The following WDPCP variants were observed in gnomAD, a reference collection of about 807,000 sequenced individuals.
WDPCP encodes the protein WD repeat-containing and planar cell polarity effector protein fritz homolog.
In WDPCP, 71 loss-of-function variants were observed where a neutral mutation model predicts 93.1. That is an observed-to-expected ratio of 0.76 (90% CI 0.63 to 0.93). The LOEUF (loss-of-function observed/expected upper bound fraction) is 0.93, where lower values mean the gene tolerates loss of function less well. Ranked by LOEUF, WDPCP falls within the 40% of genes least tolerant of loss-of-function variation. The probability of loss-of-function intolerance (pLI) is 0.00; values close to 1 mark genes in which losing one functional copy is unlikely to be tolerated. For synonymous variants in WDPCP, 315 were observed against 315.0 expected (o/e 1.00, Z 0.00); for missense variants, 844 against 887.4 (o/e 0.95, Z 0.62).
At chr2:63,808,335 CCCCTCTCCCCACGGTCTCCCTCT>C (rs1031122681) in intron 2 of WDPCP, among the ~76,000 whole-genome samples, 2 of 146,824 alleles carry the variant, frequency 1.4e-5, no homozygotes, top group African/African-American at 4.9e-5. Flanking sequence ...TCTCCCCTCT[CCCCTCTCCCCACGGTCTCCCTCT>C]CCCTCTCTTT....
In WDPCP at chr2:63,273,444, T is replaced by TA. The variant is rs201155893; in HGVS notation, c.1813-14036dup. On this transcript the variant is annotated intron_variant, in intron 13 of 17. Coordinates refer to ENST00000272321, the MANE Select transcript of WDPCP (RefSeq NM_015910.7). The stretch of plus-strand genomic sequence containing the variant: ...ATATACAAAACAAACTTAAAACATG[T>TA]AAAAAAAAAAAACCAGAAATAAGTC... Among the ~76,000 whole-genome samples, 1,323 of 139,802 alleles carry TA rather than the reference T, an allele frequency of 9.5e-3. 15 individuals are homozygous for TA. Among genetic ancestry groups the TA allele is most frequent in the African/African-American group, 0.024 (942 of 38,510 alleles). The allele number at this position is 139,802 out of a possible 152,430, so 91.7% of individuals were successfully genotyped here.
intron 2 of WDPCP, among the ~76,000 whole-genome samples, chr2:63,793,622 A>G (rs1670575161): frequency 6.6e-6 from 1 of 152,142 alleles, no homozygotes; most frequent in Non-Finnish European, 1.5e-5. Context: ...ATTTTAATAA[A>G]ATAATAAAAT....
intron 17 of WDPCP, among the ~76,000 whole-genome samples, chr2:63,139,000 C>G (rs767078981): frequency 6.6e-6 from 1 of 152,168 alleles, no homozygotes; most frequent in African/African-American, 2.4e-5. Context: ...AGTCTCTAAT[C>G]TCATCCAGAT....
upstream of WDPCP, among the ~76,000 whole-genome samples, chr2:63,828,357 A>T (rs945666363): frequency 1.3e-5 from 2 of 152,038 alleles, no homozygotes; most frequent in African/African-American, 4.8e-5. Context: ...CCTGAACCCA[A>T]CTTCTTCAAA....
chr2:63,584,601 G>C (rs534990892), intron 1 of WDPCP, among the ~76,000 whole-genome samples: 1 of 151,906 alleles, frequency 6.6e-6, no homozygotes. Flanking sequence ...CCTATTGATG[G>C]CCATATGGGT....
intron 17 of WDPCP, among the ~76,000 whole-genome samples, chr2:63,138,402 A>T (rs1036864059): frequency 1.4e-5 from 2 of 148,082 alleles, no homozygotes; most frequent in East Asian, 2.0e-4. Flanking sequence ...TAATTAATTA[A>T]TTTTTCCATA....
At chr2:63,483,298 C>T (rs949500289) in intron 6 of WDPCP, among the ~76,000 whole-genome samples, 1 of 151,722 alleles carries the variant, frequency 6.6e-6, no homozygotes, top group East Asian at 1.9e-4. Context: ...CTTTCTGGAG[C>T]GTATTTTGTA....
At chr2:63,516,577 G>A (rs1702564640) in intron 1 of WDPCP, among the ~76,000 whole-genome samples, 1 of 152,096 alleles carries the variant, frequency 6.6e-6, no homozygotes. Flanking sequence ...CATGTGAAGA[G>A]GAGGGGATGC....
At chr2:63,715,099 A>G (rs1201643713) in intron 2 of WDPCP, among the ~76,000 whole-genome samples, 5 of 152,256 alleles carry the variant, frequency 3.3e-5, no homozygotes, top group Non-Finnish European at 7.3e-5. Flanking sequence ...TATCCCGAAT[A>G]GGTAAATTCA....
At chr2:63,225,464 C>T (rs1337616732) in intron 14 of WDPCP, among the ~76,000 whole-genome samples, 2 of 151,702 alleles carry the variant, frequency 1.3e-5, no homozygotes, top group African/African-American at 4.8e-5. Context: ...TGGAAAAATC[C>T]TAAGAGGTAT....
intron 13 of WDPCP, among the ~76,000 whole-genome samples, chr2:63,303,645 C>T (rs1471121037): frequency 1.3e-5 from 2 of 152,146 alleles, no homozygotes; most frequent in Non-Finnish European, 2.9e-5. Flanking sequence ...TTGGCCACAA[C>T]AGACAGTGGG....
intron 1 of WDPCP, among the ~76,000 whole-genome samples, chr2:63,558,019 T>C (rs2106393292): frequency 6.6e-6 from 1 of 152,178 alleles, no homozygotes; most frequent in African/African-American, 2.4e-5. Flanking sequence ...AAATTTATAG[T>C]ACTAAATGCC....
At chr2:63,838,195 G>A in the WDPCP span, among the ~76,000 whole-genome samples, 3 of 152,084 alleles carry the variant, frequency 2.0e-5, no homozygotes, top group African/African-American at 7.2e-5. Context: ...TGGAATGTTC[G>A]CTATGTACCA....
intron 1 of WDPCP, among the ~76,000 whole-genome samples, chr2:63,543,108 TG>T (rs2106316119): frequency 6.6e-6 from 1 of 152,320 alleles, no homozygotes; most frequent in Admixed American, 6.5e-5. Context: ...CTGTGATTTT[TG>T]TACAGTTGTT....
At chr2:63,507,851 T>A (rs1701980225) in intron 1 of WDPCP, among the ~76,000 whole-genome samples, 1 of 152,016 alleles carries the variant, frequency 6.6e-6, no homozygotes, top group Non-Finnish European at 1.5e-5. Context: ...GAAGATCAAC[T>A]TAATGAAATA....
chr2:63,349,534 A>G (rs150541607), intron 12 of WDPCP, among the ~76,000 whole-genome samples: 184 of 152,268 alleles, frequency 1.2e-3, no homozygotes, highest in African/African-American at 4.1e-3. Flanking sequence ...AAATTATAAC[A>G]TCATACAAAA....
intron 11 of WDPCP, among the ~76,000 whole-genome samples, chr2:63,379,107 G>C (rs1692091791): frequency 6.6e-6 from 1 of 152,206 alleles, no homozygotes; most frequent in South Asian, 2.1e-4. Flanking sequence ...AAGGACTGGA[G>C]AGGCAGGTTT....
At chr2:63,448,241 G>T (rs1201408790) in intron 6 of WDPCP, among the ~76,000 whole-genome samples, 1 of 151,836 alleles carries the variant, frequency 6.6e-6, no homozygotes, top group Non-Finnish European at 1.5e-5. Context: ...ACAACTTCCA[G>T]TTCTCCTCCA....
At chr2:63,417,363 C>T (rs926532927) in intron 9 of WDPCP, among the ~76,000 whole-genome samples, 1 of 152,018 alleles carries the variant, frequency 6.6e-6, no homozygotes, top group Non-Finnish European at 1.5e-5. Flanking sequence ...ATGGTAGTAG[C>T]TCAATAAAAC....
Sources: allele counts gnomAD v4.1 joint callset (sites outside exome capture counted in the v4.1 genomes callset), GRCh38; gene constraint gnomAD v4.1.1; transcripts MANE v1.5; gene names NCBI Gene and HGNC (gene_info 2026-07-23, HGNC 2026-07-21).